EDIL3: variants seen among roughly 807,000 people sequenced by gnomAD.
EDIL3 encodes EGF like and discoidin domains 3, also known as EGF-like repeat and discoidin I-like domain-containing protein 3.
A neutral mutation model predicts 67.4 loss-of-function variants in EDIL3; 37 were observed. That is an observed-to-expected ratio of 0.55 (90% CI 0.42 to 0.72). The LOEUF is 0.72. EDIL3 is among the 30% of genes least tolerant of loss of function. The pLI is 0.00. For missense variants in EDIL3, 527 were observed against 586.3 expected, an observed-to-expected ratio of 0.90 and a Z score of 1.04; for synonymous variants, 195 against 196.3, an observed-to-expected ratio of 0.99 and a Z score of 0.05.
intron 4 of EDIL3, among the ~76,000 whole-genome samples, chr5:84,161,220 A>G (rs1360145995): frequency 6.6e-6 from 1 of 151,936 alleles, no homozygotes; most frequent in East Asian, 1.9e-4. Context: ...TATATACCAC[A>G]TTTTCTTTAT....
intron 10 of EDIL3, among the ~76,000 whole-genome samples, chr5:83,961,704 T>A (rs1744610776): frequency 6.6e-6 from 1 of 151,186 alleles, no homozygotes; most frequent in Non-Finnish European, 1.5e-5. Context: ...ATACACTGAA[T>A]CAGAATGCTT....
At chr5:83,994,102 T>C (rs1253929077) in intron 9 of EDIL3, among the ~76,000 whole-genome samples, 1 of 152,172 alleles carries the variant, frequency 6.6e-6, no homozygotes, top group African/African-American at 2.4e-5. Context: ...CTTGCAATTG[T>C]TTATATTTCT....
chr5:83,942,667 A>T lies in EDIL3; in HGVS notation c.*752T>A, dbSNP rs914507442. On this transcript the variant is annotated 3_prime_UTR_variant, in exon 11 of 11. Coordinates refer to ENST00000296591, the MANE Select transcript of EDIL3 (RefSeq NM_005711.5). ...AAAACTGCAGATTTAATTAACGAAT[A>T]TTAAATACAGATCAATCTACTGATA... The T allele has an allele frequency of 3.9e-5, 6 of 152,072 alleles. No homozygotes were observed. The highest frequency in any genetic ancestry group is 6.6e-5 in the Admixed American group (1 of 15,252). 9.4% of individuals were successfully genotyped at this position (152,072 alleles called of 1,614,324 possible). A position where few individuals can be genotyped will look rare whatever the true frequency, so the allele number is the denominator to read the frequency against.
chr5:83,985,469 G>A (rs1034424161), intron 9 of EDIL3, among the ~76,000 whole-genome samples: 2 of 152,004 alleles, frequency 1.3e-5, no homozygotes, highest in African/African-American at 4.8e-5. Flanking sequence ...ATTGAATTGT[G>A]GTGTCTGTAT....
At chr5:84,100,013 C>A (rs986169379) in intron 6 of EDIL3, among the ~76,000 whole-genome samples, 1 of 152,056 alleles carries the variant, frequency 6.6e-6, no homozygotes, top group East Asian at 1.9e-4. Context: ...AAGTAGAAAT[C>A]GAAACCACAA....
chr5:84,054,051 A>T (rs1371191557), intron 9 of EDIL3, among the ~76,000 whole-genome samples: 2 of 152,178 alleles, frequency 1.3e-5, no homozygotes, highest in East Asian at 1.9e-4. Context: ...TCGATGCAAA[A>T]ATCCTCAATA....
At chr5:84,148,732 A>G (rs1273590590) in intron 4 of EDIL3, among the ~76,000 whole-genome samples, 1 of 152,150 alleles carries the variant, frequency 6.6e-6, no homozygotes, top group African/African-American at 2.4e-5. Flanking sequence ...CAAGGCCACC[A>G]TGGAAGAATC....
At chr5:84,183,592 A>T (rs186131148) in intron 3 of EDIL3, among the ~76,000 whole-genome samples, 2 of 152,340 alleles carry the variant, frequency 1.3e-5, no homozygotes, top group Admixed American at 1.3e-4. Context: ...TTCCCTAGAA[A>T]CAACTTAATA....
rs1489222840 is a variant in EDIL3, at chr5:84,238,677, T to TC, written c.197-8794_197-8793insG. 2.5e-3 allele frequency among the ~76,000 whole-genome samples: 377 copies of TC among 149,794 alleles called. 5 individuals are homozygous for TC. The highest frequency in any genetic ancestry group is 8.8e-3 in the African/African-American group (356 of 40,682). ...GCTAAAATTAAATGTTTTTTTTTTTTTTTTTTCAGAATCATTAGGACCTTC... is the reference window on the plus strand; with the variant it reads ...GCTAAAATTAAATGTTTTTTTTTTTTCTTTTTTCAGAATCATTAGGACCTTC... On this transcript the variant is annotated intron_variant, in intron 2 of 10. Transcript: ENST00000296591.
At chr5:84,011,579 A>G (rs1745517698) in intron 9 of EDIL3, among the ~76,000 whole-genome samples, 1 of 152,112 alleles carries the variant, frequency 6.6e-6, no homozygotes, top group Non-Finnish European at 1.5e-5. Context: ...AAAGTCTCAA[A>G]TATCTTTTTA....
intron 2 of EDIL3, among the ~76,000 whole-genome samples, chr5:84,236,492 G>A (rs544694030): frequency 3.3e-5 from 5 of 152,008 alleles, no homozygotes; most frequent in African/African-American, 9.6e-5. Flanking sequence ...CATCCTTGTC[G>A]ACTGAATTCA....
chr5:84,239,222 C>T (rs1383113173), intron 2 of EDIL3, among the ~76,000 whole-genome samples: 1 of 152,066 alleles, frequency 6.6e-6, no homozygotes, highest in South Asian at 2.1e-4. Flanking sequence ...GGTATATACA[C>T]CCTAGTCATC....
In EDIL3 at chr5:84,143,471, T is replaced by C. The variant is rs3776912; in HGVS notation, c.356-6117A>G. On this transcript the variant is annotated intron_variant, in intron 4 of 10. Transcript: ENST00000296591. Reference sequence around the variant, plus strand: ...TGTCTCCATCTAATAAAGATCATATTCTCTGTCCATCTCTATCCTGACATC... The same window carrying C: ...TGTCTCCATCTAATAAAGATCATATCCTCTGTCCATCTCTATCCTGACATC... 5.0e-3 allele frequency among the ~76,000 whole-genome samples: 756 copies of C among 152,198 alleles called. 15 individuals are homozygous for C. Among genetic ancestry groups the C allele is most frequent in the East Asian group, 0.037 (194 of 5,178 alleles).
In EDIL3 at chr5:84,125,190, CT is replaced by C. The variant is rs531439238; in HGVS notation, c.469+12050del. 9.2e-5 allele frequency among the ~76,000 whole-genome samples: 14 copies of C among 152,022 alleles called. No homozygotes were observed. The South Asian group carries it at 2.9e-3, about 32-fold the overall frequency. ...TTAACATACAAACTTGAAAATAGTCCTCATTTTACAGAGGTAAACTGAATGG... is the reference window on the plus strand; with the variant it reads ...TTAACATACAAACTTGAAAATAGTCCCATTTTACAGAGGTAAACTGAATGG... On this transcript the variant is annotated intron_variant, in intron 5 of 10. Coordinates refer to ENST00000296591, the MANE Select transcript of EDIL3 (RefSeq NM_005711.5).
chr5:84,149,854 A>G (rs1379938572), intron 4 of EDIL3, among the ~76,000 whole-genome samples: 1 of 152,084 alleles, frequency 6.6e-6, no homozygotes, highest in Non-Finnish European at 1.5e-5. Context: ...CAAATTAGAC[A>G]TGCAAAAATA....
intron 3 of EDIL3, among the ~76,000 whole-genome samples, chr5:84,205,409 T>C (rs547293921): frequency 6.6e-6 from 1 of 152,230 alleles, no homozygotes; most frequent in East Asian, 1.9e-4. Context: ...GTCAGATGTG[T>C]CATTGTGAAA....
rs570241459 is a variant in EDIL3 at position 84,019,886 on chromosome 5, A to G, written c.1137+40414T>C. ...GGAACTTGCATTCTAATTTAGTTCT[A>G]TCTTCCCAGTAAAACTGTCCTGAGA... On this transcript the variant is annotated intron_variant, in intron 9 of 10. Coordinates refer to ENST00000296591, the MANE Select transcript of EDIL3 (RefSeq NM_005711.5). Among the ~76,000 whole-genome samples, 3 of 152,086 alleles carry G rather than the reference A, an allele frequency of 2.0e-5. No individual in the cohort carries two copies. The South Asian group carries it at 6.2e-4, about 32-fold the overall frequency.
chr5:84,281,176 T>C (rs151073032), intron 1 of EDIL3, among the ~76,000 whole-genome samples: 1 of 152,250 alleles, frequency 6.6e-6, no homozygotes, highest in East Asian at 1.9e-4. Context: ...TTCTTACCAG[T>C]TTGTTCTCAT....
At chr5:84,198,474 A>G (rs886626871) in intron 3 of EDIL3, among the ~76,000 whole-genome samples, 1 of 152,068 alleles carries the variant, frequency 6.6e-6, no homozygotes, top group Admixed American at 6.6e-5. Flanking sequence ...TATCTTGTGT[A>G]TATATTTATA....
Sources: allele counts gnomAD v4.1 joint callset (sites outside exome capture counted in the v4.1 genomes callset), GRCh38; gene constraint gnomAD v4.1.1; transcripts MANE v1.5; gene names NCBI Gene and HGNC (gene_info 2026-07-23, HGNC 2026-07-21).